CENPP: variants seen among roughly 807,000 people sequenced by gnomAD.
The protein encoded by CENPP is centromere protein P.
Under a neutral mutation model 35.6 loss-of-function variants are expected in CENPP, and 24 were observed. That is an observed-to-expected ratio of 0.67 (90% CI 0.49 to 0.95). CENPP has a LOEUF of 0.95. Ranked by LOEUF, CENPP falls within the 40% of genes least tolerant of loss-of-function variation. The pLI is 0.00. For missense variants in CENPP, 332 were observed against 345.3 expected, an observed-to-expected ratio of 0.96 and a Z score of 0.31; for synonymous variants, 120 against 125.5, an observed-to-expected ratio of 0.96 and a Z score of 0.29.
At chr9:92,458,915 G>A (rs957951435) in intron 5 of CENPP, among the ~76,000 whole-genome samples, 28 of 152,090 alleles carry the variant, frequency 1.8e-4, no homozygotes, top group African/African-American at 6.0e-4. Flanking sequence ...AAGATACACC[G>A]GAAAGAAAAA....
chr9:92,573,753 C>T (rs989229839), intron 5 of CENPP, among the ~76,000 whole-genome samples: 2 of 152,208 alleles, frequency 1.3e-5, no homozygotes, highest in Non-Finnish European at 2.9e-5. Flanking sequence ...CCACCCAGTT[C>T]GAGCTTCCCG....
intron 5 of CENPP, among the ~76,000 whole-genome samples, chr9:92,578,673 G>A (rs12342813): frequency 0.013 from 2,034 of 151,786 alleles, 15 homozygotes; most frequent in South Asian, 0.02. Flanking sequence ...TAAATTTGTT[G>A]GAGTTCATTG....
intron 5 of CENPP, among the ~76,000 whole-genome samples, chr9:92,595,731 A>G (rs535186415): frequency 1.5e-4 from 22 of 151,206 alleles, no homozygotes; most frequent in African/African-American, 4.9e-4. Flanking sequence ...ATGCCTGGGT[A>G]ATTTATTTTT....
At chr9:92,582,827 G>A (rs766068561) in intron 5 of CENPP, among the ~76,000 whole-genome samples, 2 of 152,156 alleles carry the variant, frequency 1.3e-5, no homozygotes, top group Admixed American at 1.3e-4. Flanking sequence ...GGCAGGAAGA[G>A]TAGAACGACT....
chr9:92,449,973 T>C (rs747336465), intron 5 of CENPP, among the ~76,000 whole-genome samples: 3 of 152,202 alleles, frequency 2.0e-5, no homozygotes, highest in Admixed American at 6.5e-5. Context: ...TTTAATGTTA[T>C]TTGTATAAGA....
At chr9:92,368,922 TA>T (rs1841948201) in intron 4 of CENPP, among the ~76,000 whole-genome samples, 1 of 152,092 alleles carries the variant, frequency 6.6e-6, no homozygotes, top group Admixed American at 6.5e-5. Flanking sequence ...TGCCTGCCTG[TA>T]GTTATAGCTG....
chr9:92,454,681 T>C (rs1844821179), intron 5 of CENPP, among the ~76,000 whole-genome samples: 1 of 152,170 alleles, frequency 6.6e-6, no homozygotes. Flanking sequence ...AAGCATTGCA[T>C]ATATATTTTT....
chr9:92,554,812 T>C (rs1353979500), intron 5 of CENPP, among the ~76,000 whole-genome samples: 2 of 150,988 alleles, frequency 1.3e-5, no homozygotes, highest in Non-Finnish European at 3.0e-5. Flanking sequence ...TTATTTTTGG[T>C]TTTTTAGTAG....
At chr9:92,503,186 T>A (rs1415334514) in intron 5 of CENPP, among the ~76,000 whole-genome samples, 2 of 152,230 alleles carry the variant, frequency 1.3e-5, no homozygotes, top group Non-Finnish European at 1.5e-5. Flanking sequence ...TATAATATGT[T>A]GCAAGAAATG....
At chr9:92,496,218 G>A in intron 5 of CENPP, 1 of 1,474,272 alleles carries the variant, frequency 6.8e-7, no homozygotes, top group South Asian at 1.5e-5. Context: ...TAATGATACT[G>A]AGTATAACAG....
At chr9:92,475,319 G>C (rs1031000375) in intron 5 of CENPP, among the ~76,000 whole-genome samples, 1 of 151,846 alleles carries the variant, frequency 6.6e-6, no homozygotes. Context: ...TTTAAATATG[G>C]GATATTATCT....
intron 5 of CENPP, chr9:92,400,994 T>A: frequency 1.6e-6 from 1 of 626,796 alleles, no homozygotes; most frequent in Non-Finnish European, 2.8e-6. Context: ...TGTTTGTATT[T>A]ACTGTATCTT....
chr9:92,412,314 T>A (rs1843467635), intron 5 of CENPP, among the ~76,000 whole-genome samples: 1 of 152,162 alleles, frequency 6.6e-6, no homozygotes, highest in African/African-American at 2.4e-5. Flanking sequence ...CTTGAACTTC[T>A]GGCCTCAAGC....
intron 2 of CENPP, among the ~76,000 whole-genome samples, chr9:92,333,140 A>T (rs1840808228): frequency 6.6e-6 from 1 of 152,186 alleles, no homozygotes; most frequent in South Asian, 2.1e-4. Context: ...ATGCACTAAG[A>T]GATAAAGGGA....
intron 5 of CENPP, among the ~76,000 whole-genome samples, chr9:92,584,606 G>A (rs1850500686): frequency 6.6e-6 from 1 of 152,170 alleles, no homozygotes; most frequent in Non-Finnish European, 1.5e-5. Context: ...CTCCCAAAGT[G>A]CTGGGATATG....
At chr9:92,532,013 A>AT (rs1368397928) in intron 5 of CENPP, among the ~76,000 whole-genome samples, 2 of 68,952 alleles carry the variant, frequency 2.9e-5, no homozygotes, top group African/African-American at 1.2e-4. Flanking sequence ...TTTTTATTTA[A>AT]TGTTTTTTTT....
intron 5 of CENPP, chr9:92,465,024 T>G (rs751509078): frequency 1.0e-5 from 16 of 1,604,030 alleles, no homozygotes. Flanking sequence ...GGGTTTGCAC[T>G]CATTTCTGTC....
At chr9:92,367,687 G>T (rs868420501) in intron 4 of CENPP, among the ~76,000 whole-genome samples, 16 of 151,768 alleles carry the variant, frequency 1.1e-4, no homozygotes, top group Admixed American at 1.3e-4. Flanking sequence ...GTGCGATCTC[G>T]GCTCACTGCA....
intron 5 of CENPP, among the ~76,000 whole-genome samples, chr9:92,381,029 C>G (rs535758263): frequency 7.2e-5 from 11 of 152,264 alleles, no homozygotes; most frequent in African/African-American, 2.4e-4. Flanking sequence ...GTCCTGTAAC[C>G]GTCACCAATA....
Sources: gnomAD v4.1 joint callset for allele counts (sites outside exome capture counted in the v4.1 genomes callset) on GRCh38, gnomAD v4.1.1 for gene constraint, MANE v1.5 for transcripts, NCBI Gene and HGNC (gene_info 2026-07-23, HGNC 2026-07-21) for gene names.